Variants in MBTD1 observed in about 807,000 individuals in gnomAD.
The protein encoded by MBTD1 is MBT domain-containing protein 1.
Under a neutral mutation model 87.8 loss-of-function variants are expected in MBTD1, and 24 were observed. That is an observed-to-expected ratio of 0.27 (90% confidence interval 0.20 to 0.38). The LOEUF (loss-of-function observed/expected upper bound fraction) is 0.38. MBTD1 is among the 10% of genes least tolerant of loss of function. The pLI, the probability that MBTD1 is intolerant of heterozygous loss-of-function variation, is 1.00. For synonymous variants in MBTD1, 237 were observed against 248.6 expected, an observed-to-expected ratio of 0.95 and a Z score of 0.44; for missense variants, 436 against 760.2, an observed-to-expected ratio of 0.57 and a Z score of 5.02.
chr17:51,211,358 T>C (rs1252621635), intron 6 of MBTD1, among the ~76,000 whole-genome samples: 1 of 151,470 alleles, frequency 6.6e-6, no homozygotes, highest in Non-Finnish European at 1.5e-5. Flanking sequence ...ATACAAAAAA[T>C]TATCTGGGCA....
intron 2 of MBTD1, among the ~76,000 whole-genome samples, chr17:51,244,983 C>T (rs2054348979): frequency 1.3e-5 from 2 of 152,072 alleles, no homozygotes. Context: ...TCACTGCAAC[C>T]TCCGCCTCCC....
chr17:51,199,466 C>T (rs1487548908), intron 12 of MBTD1, among the ~76,000 whole-genome samples: 1 of 150,876 alleles, frequency 6.6e-6, no homozygotes, highest in African/African-American at 2.4e-5. Flanking sequence ...TTTTTTGAGA[C>T]AGTCTTGCTT....
intron 16 of MBTD1, among the ~76,000 whole-genome samples, chr17:51,188,004 C>A (rs2050625565): frequency 6.6e-6 from 1 of 152,000 alleles, no homozygotes. Flanking sequence ...TAAATGTAAG[C>A]CACACAGTAT....
At chr17:51,214,338 C>T (rs2052445621) in intron 6 of MBTD1, among the ~76,000 whole-genome samples, 1 of 152,072 alleles carries the variant, frequency 6.6e-6, no homozygotes, top group South Asian at 2.1e-4. Context: ...TTGTCCAATA[C>T]TGTTGTAATT....
intron 2 of MBTD1, among the ~76,000 whole-genome samples, chr17:51,239,232 G>A (rs1598411171): frequency 6.6e-6 from 1 of 152,034 alleles, no homozygotes; most frequent in East Asian, 1.9e-4. Flanking sequence ...CAGTAAAAGA[G>A]CAAATGTCTA....
At chr17:51,215,981 G>C (rs1449312657) in intron 6 of MBTD1, among the ~76,000 whole-genome samples, 1 of 145,494 alleles carries the variant, frequency 6.9e-6, no homozygotes. Context: ...GCCCAGGCTG[G>C]AGTGCAGTGG....
intron 12 of MBTD1, among the ~76,000 whole-genome samples, chr17:51,200,031 T>G (rs2145177174): frequency 6.6e-6 from 1 of 152,288 alleles, no homozygotes; most frequent in Admixed American, 6.5e-5. Context: ...TTCACCGTGT[T>G]AGCCAGGATG....
At chr17:51,226,838 G>A (rs2053246758) in intron 2 of MBTD1, among the ~76,000 whole-genome samples, 1 of 151,874 alleles carries the variant, frequency 6.6e-6, no homozygotes, top group Non-Finnish European at 1.5e-5. Context: ...TGCTATGTTG[G>A]TGAGGATGGT....
chr17:51,233,045 G>A lies in MBTD1; in HGVS notation c.-48-7836C>T, dbSNP rs1460192155. 1.0e-4 allele frequency among the ~76,000 whole-genome samples: 11 copies of A among 106,690 alleles called. No homozygotes were observed. In the Admixed American group the frequency reaches 1.0e-3, roughly 10 times the overall value. 70.0% of individuals were successfully genotyped at this position (106,690 alleles called of 152,430 possible). On this transcript the variant is annotated intron_variant, in intron 2 of 16. Coordinates refer to ENST00000586178, the MANE Select transcript of MBTD1 (RefSeq NM_017643.3). ...TGCACTCCAGCCTAGGTGACAGAGCGAGACCTTCCCTCACCAAAAAAAAAA... is the reference window on the plus strand; with the variant it reads ...TGCACTCCAGCCTAGGTGACAGAGCAAGACCTTCCCTCACCAAAAAAAAAA...
Position 51,220,434 on chromosome 17 carries a change from C to T in MBTD1, c.184G>A (p.Val62Ile), listed in dbSNP as rs373397468. 15 of 1,548,016 alleles carry T rather than the reference C, an allele frequency of 9.7e-6. No homozygotes were observed. The highest frequency in any genetic ancestry group is 2.0e-5 in the Admixed American group (1 of 50,970). The part of the protein sequence containing the change: ...ATCEMCGMVG[V>I]RDAFYSKTKR... The stretch of plus-strand genomic sequence containing the variant: ...GTTTTAGAGTAAAAAGCATCTCGGA[C>T]GCCAACCATCCCACACATCTCACAG... Residue 62 changes from valine to isoleucine, a missense_variant, in exon 4 of 17, where the codon GTC (valine) becomes ATC (isoleucine). Around this residue, in one of 5 missense-constraint regions of MBTD1, gnomAD observed 18 missense variants for 107.8 expected, o/e 0.17. Coordinates refer to ENST00000586178, the MANE Select transcript of MBTD1 (RefSeq NM_017643.3).
intron 2 of MBTD1, among the ~76,000 whole-genome samples, chr17:51,252,951 T>C (rs551539436): frequency 2.0e-4 from 30 of 151,800 alleles, no homozygotes; most frequent in Non-Finnish European, 3.1e-4. Flanking sequence ...ATTAGAGAGA[T>C]AGATACTAGA....
chr17:51,244,880 T>C (rs2054342463), intron 2 of MBTD1, among the ~76,000 whole-genome samples: 2 of 152,228 alleles, frequency 1.3e-5, no homozygotes, highest in South Asian at 2.1e-4. Flanking sequence ...AAAGCCAAGA[T>C]CTGGGCACTT....
intron 2 of MBTD1, among the ~76,000 whole-genome samples, chr17:51,252,472 TC>T (rs2054844933): frequency 6.6e-6 from 1 of 152,100 alleles, no homozygotes; most frequent in Non-Finnish European, 1.5e-5. Flanking sequence ...ACACCTGTAA[TC>T]CTAGCACTTT....
chr17:51,217,554 A>G (rs899932203), intron 5 of MBTD1, 138 bp from the exon 6 acceptor site: 59 of 524,988 alleles, frequency 1.1e-4, no homozygotes, highest in Non-Finnish European at 1.6e-4. Context: ...TAAAGATCAA[A>G]TAACTTCTCT....
chr17:51,255,423 A>G (rs960139414), intron 2 of MBTD1, among the ~76,000 whole-genome samples: 2 of 152,230 alleles, frequency 1.3e-5, no homozygotes, highest in African/African-American at 4.8e-5. Flanking sequence ...CTGGTTGCTC[A>G]GAAGATATAA....
At chr17:51,212,397 A>T (rs987088662) in intron 6 of MBTD1, among the ~76,000 whole-genome samples, 1 of 151,592 alleles carries the variant, frequency 6.6e-6, no homozygotes, top group African/African-American at 2.4e-5. Context: ...AAAGTATGAT[A>T]AACTCAGCTG....
intron 12 of MBTD1, among the ~76,000 whole-genome samples, chr17:51,197,122 G>A (rs2051179632): frequency 1.4e-5 from 1 of 71,946 alleles, no homozygotes; most frequent in Non-Finnish European, 2.5e-5. Context: ...ATATATGGAG[G>A]ACGGAGTCTT....
rs1383611514 is a variant in MBTD1 at position 51,179,518 on chromosome 17, A to ATT, written c.*1057_*1058insAA. The ATT allele has an allele frequency of 3.5e-4, 35 of 100,550 alleles. No individual in the cohort carries two copies. The highest frequency in any genetic ancestry group is 5.9e-4 in the South Asian group (2 of 3,414). 6.2% of individuals were successfully genotyped at this position (100,550 alleles called of 1,614,324 possible). A position where few individuals can be genotyped will look rare whatever the true frequency, so the allele number is the denominator to read the frequency against. On this transcript the variant is annotated 3_prime_UTR_variant, in exon 17 of 17. Coordinates refer to ENST00000586178, the MANE Select transcript of MBTD1 (RefSeq NM_017643.3). Reference sequence around the variant, plus strand: ...TATATATATATATATATATATATATATATATATATATATATATATGGAATT... The same window carrying ATT: ...TATATATATATATATATATATATATATTTATATATATATATATATATGGAATT...
chr17:51,203,417 T>A (rs577081790), intron 8 of MBTD1, among the ~76,000 whole-genome samples, 189 bp from the exon 9 acceptor site: 1 of 151,886 alleles, frequency 6.6e-6, no homozygotes, highest in Admixed American at 6.6e-5. Flanking sequence ...CTATTTTAAT[T>A]TCTTTCTTTT....
Sources: allele counts gnomAD v4.1 joint callset (sites outside exome capture counted in the v4.1 genomes callset), GRCh38; gene constraint gnomAD v4.1.1; regional missense constraint gnomAD v4.1.1; transcripts MANE v1.5; gene names NCBI Gene and HGNC (gene_info 2026-07-23, HGNC 2026-07-21).